AFDN: variants seen among roughly 807,000 people sequenced by gnomAD.
The protein encoded by AFDN is afadin, adherens junction formation factor.
AFDN carries 68 observed loss-of-function variants against 216.6 expected under a neutral mutation model. The observed-to-expected ratio is 0.31, with a 90% confidence interval of 0.26 to 0.38. AFDN has a LOEUF of 0.38. AFDN is among the 10% of genes least tolerant of loss of function. The pLI is 1.00. For synonymous variants in AFDN, 868 were observed against 853.7 expected, an observed-to-expected ratio of 1.02 and a Z score of -0.29; for missense variants, 2,136 against 2,342.0, an observed-to-expected ratio of 0.91 and a Z score of 1.82.
chr6:167,921,680 AT>A (rs1396645149), intron 21 of AFDN, among the ~76,000 whole-genome samples: 1 of 152,200 alleles, frequency 6.6e-6, no homozygotes, highest in Non-Finnish European at 1.5e-5. Context: ...CTTGAAAAAA[AT>A]AAAATAATTT....
chr6:167,967,552 T>G (rs1797687533), intron 32 of AFDN, among the ~76,000 whole-genome samples: 1 of 152,174 alleles, frequency 6.6e-6, no homozygotes, highest in African/African-American at 2.4e-5. Flanking sequence ...TTGAATTTTA[T>G]AAGCTGAACC....
chr6:167,889,714 A>G (rs1214377792), intron 7 of AFDN, among the ~76,000 whole-genome samples: 1 of 152,224 alleles, frequency 6.6e-6, no homozygotes, highest in East Asian at 1.9e-4. Context: ...GTTGTCCCTA[A>G]GACCACACTC....
In AFDN at chr6:167,827,240, G is replaced by A. The variant is rs758830612; in HGVS notation, c.105+3G>A. 7 of 1,153,416 alleles carry A rather than the reference G, an allele frequency of 6.1e-6. No homozygotes were observed. Among genetic ancestry groups the A allele is most frequent in the Admixed American group, 6.4e-5 (2 of 31,310 alleles). The allele number at this position is 1,153,416 out of a possible 1,614,324, so 71.4% of individuals were successfully genotyped here. On this transcript the variant is annotated splice_donor_region_variant and intron_variant, in intron 1 of 33. Transcript: ENST00000683244. ...TCGAGATCAGCCAGCCGACCGAGGT[G>A]AGCACCGCCGGGCGCGGGGCCTGCG... is the stretch of plus-strand genomic sequence containing the variant.
chr6:167,939,303 A>G (rs1794400616), intron 23 of AFDN, among the ~76,000 whole-genome samples: 1 of 152,216 alleles, frequency 6.6e-6, no homozygotes, highest in Non-Finnish European at 1.5e-5. Context: ...AAATGTCGTG[A>G]GGTGCCCATT....
intron 1 of AFDN, among the ~76,000 whole-genome samples, chr6:167,857,215 A>G (rs1379394754): frequency 6.9e-6 from 1 of 144,770 alleles, no homozygotes; most frequent in East Asian, 2.0e-4. Context: ...AGAGAGAGCG[A>G]GAGATAGGAT....
rs932274515 is a variant in AFDN at position 167,941,742 on chromosome 6, G to C, written c.3100-1387G>C. Among the ~76,000 whole-genome samples the C allele has an allele frequency of 3.8e-3, 328 of 86,414 alleles. 33 individuals carry two copies. The highest frequency in any genetic ancestry group is 5.7e-3 in the Non-Finnish European group (254 of 44,900). The allele number at this position is 86,414 out of a possible 152,430, so 56.7% of individuals were successfully genotyped here. A position where few individuals can be genotyped will look rare whatever the true frequency, so the allele number is the denominator to read the frequency against. ...GAGGGTGGAAACCATCCACAGGAGA[G>C]ATGTGTGGATAGACACAGAGGGATG... On this transcript the variant is annotated intron_variant, in intron 23 of 33. Transcript: ENST00000683244.
intron 8 of AFDN, 87 bp from the exon 9 acceptor site, chr6:167,893,772 TCTC>T (rs1217335560): frequency 2.0e-6 from 2 of 983,862 alleles, no homozygotes; most frequent in South Asian, 1.4e-5. Context: ...CTGCGTCTCT[TCTC>T]CTCCTTCCCT....
At chr6:167,943,350 C>G in intron 24 of AFDN, 52 bp from the exon 25 acceptor site, 1 of 1,548,062 alleles carries the variant, frequency 6.5e-7, no homozygotes, top group Non-Finnish European at 8.9e-7. Context: ...CTTCCTCCCG[C>G]TCTCTTTGCT....
At chr6:167,967,384 G>T (rs1056806012) in intron 32 of AFDN, among the ~76,000 whole-genome samples, 1 of 152,080 alleles carries the variant, frequency 6.6e-6, no homozygotes, top group Admixed American at 6.6e-5. Flanking sequence ...TACTTTGAAG[G>T]TTTAATATAT....
At chr6:167,957,005 G>A (rs921396276) in intron 30 of AFDN, among the ~76,000 whole-genome samples, 3 of 152,174 alleles carry the variant, frequency 2.0e-5, no homozygotes, top group African/African-American at 4.8e-5. Context: ...AAGTTTGCTC[G>A]GGTCTCATCT....
intron 27 of AFDN, among the ~76,000 whole-genome samples, chr6:167,947,295 T>G (rs1052250160): frequency 1.3e-5 from 2 of 152,098 alleles, no homozygotes; most frequent in Non-Finnish European, 2.9e-5. Flanking sequence ...TTCTCCTGCC[T>G]TAGCTTCCCG....
At chr6:167,864,940 A>G (rs1215108315) in intron 2 of AFDN, 194 bp downstream of exon 2, 1 of 758,394 alleles carries the variant, frequency 1.3e-6, no homozygotes, top group Non-Finnish European at 2.4e-6. Context: ...TCCCTGGCAC[A>G]TATATCTGTT....
intron 32 of AFDN, chr6:167,966,352 G>C (rs1203094721): frequency 3.2e-6 from 4 of 1,243,228 alleles, no homozygotes; most frequent in Non-Finnish European, 3.2e-6. Flanking sequence ...TTGCCCTGTA[G>C]TATGGTCCAT....
intron 10 of AFDN, among the ~76,000 whole-genome samples, chr6:167,897,716 G>A (rs1005940007): frequency 1.1e-4 from 14 of 131,472 alleles, no homozygotes; most frequent in African/African-American, 4.0e-4. Context: ...GCACGATCTC[G>A]GCTCTCTGTA....
At chr6:167,869,679 G>C (rs1020237439) in intron 2 of AFDN, among the ~76,000 whole-genome samples, 6 of 152,214 alleles carry the variant, frequency 3.9e-5, no homozygotes, top group Admixed American at 1.3e-4. Flanking sequence ...AGCGACCGTA[G>C]GCCTCTGTGA....
chr6:167,920,876 T>TACTTAACATGTCTTCCCCAC (rs935585821), intron 21 of AFDN, among the ~76,000 whole-genome samples: 1 of 152,220 alleles, frequency 6.6e-6, no homozygotes, highest in Admixed American at 6.5e-5. Context: ...AGTGTCTTCC[T>TACTTAACATGTCTTCCCCAC]ACTTAACATG....
intron 32 of AFDN, chr6:167,966,386 T>G (rs957629130): frequency 1.3e-5 from 12 of 949,738 alleles, no homozygotes; most frequent in Non-Finnish European, 1.7e-5. Flanking sequence ...GCCTTGGAAT[T>G]TGGATGTCAT....
At chr6:167,902,204 T>G (rs1252125719) in intron 11 of AFDN, 113 bp from the exon 12 acceptor site, 3 of 777,978 alleles carry the variant, frequency 3.9e-6, no homozygotes, top group Non-Finnish European at 6.2e-6. Context: ...CAGAGCAATT[T>G]CTTAAAAATC....
rs373580392 is a variant in AFDN at position 167,951,712 on chromosome 6, C to G, written c.4358C>G (p.Thr1453Ser). Residue 1453 changes from threonine (T) to serine (S), a missense_variant, in exon 30 of 34, where the codon ACT becomes AGT. By Grantham distance (58) the Thr-to-Ser change is moderately conservative. This residue lies in a region of AFDN where 981 missense variants were observed against 966.0 expected (regional missense o/e 1.02). Coordinates refer to ENST00000683244, the MANE Select transcript of AFDN (RefSeq NM_001386888.1). This position sits in a 1 kb window ranked among gnomAD's most constrained non-coding sequence, Gnocchi z 7.1. Reference sequence around the variant, plus strand: ...GAGAGGAAGTTGGGCCAGATGCGCACTCAGTCCTTAAACCCTGCTCCGTTT... The same window carrying G: ...GAGAGGAAGTTGGGCCAGATGCGCAGTCAGTCCTTAAACCCTGCTCCGTTT... ...EQERKLGQMR[T>S]QSLNPAPFSP... 2.4e-5 allele frequency: 38 copies of G among 1,613,970 alleles called. No individual in the cohort carries two copies. The African/African-American group carries it at 5.1e-4, about 22-fold the overall frequency.
Sources: gnomAD v4.1 joint callset for allele counts (sites outside exome capture counted in the v4.1 genomes callset) on GRCh38, gnomAD v4.1.1 for gene constraint, gnomAD v4.1.1 regional missense constraint, Gnocchi (gnomAD v3.1) non-coding constraint, MANE v1.5 for transcripts, NCBI Gene and HGNC (gene_info 2026-07-23, HGNC 2026-07-21) for gene names.